The following REELD1 variants were observed in gnomAD, a reference collection of about 807,000 sequenced individuals.
REELD1 encodes the protein reelin domain-containing protein 1.
REELD1 carries 12 observed loss-of-function variants against 6.3 expected under a neutral mutation model. That is an observed-to-expected ratio of 1.89 (90% CI 1.21 to 3.07). The LOEUF is 3.07. Among genes scored for constraint, REELD1 ranks in the 30% most tolerant of loss-of-function variants. The probability of loss-of-function intolerance (pLI) is 0.00; values close to 1 mark genes in which losing one functional copy is unlikely to be tolerated. For synonymous variants in REELD1, 57 were observed against 33.6 expected (o/e 1.70, Z -2.42); for missense variants, 163 against 86.8 (o/e 1.88, Z -3.49).
At chr4:146,218,244 C>A (rs1215829303) in intron 3 of REELD1, among the ~76,000 whole-genome samples, 1 of 152,210 alleles carries the variant, frequency 6.6e-6, no homozygotes, top group African/African-American at 2.4e-5. Flanking sequence ...TCGGGTTGCC[C>A]CCACCAGGGG....
intron 3 of REELD1, among the ~76,000 whole-genome samples, chr4:146,220,620 G>A (rs1170706900): frequency 6.6e-6 from 1 of 152,190 alleles, no homozygotes; most frequent in Admixed American, 6.5e-5. Context: ...CACAGTTTCA[G>A]GATGAGTGCC....
Position 146,231,713 on chromosome 4 carries a change from T to G in REELD1, c.*1200T>G, listed in dbSNP as rs945689338. On this transcript the variant is annotated 3_prime_UTR_variant, in exon 8 of 8. Transcript: ENST00000623665. ...CTTCACATTTAACTCTCACAAAAAT[T>G]TAATGAGGAATAAGTTCAGTAGCTT... is the stretch of plus-strand genomic sequence containing the variant. Among the ~76,000 whole-genome samples the G allele has an allele frequency of 1.3e-5, 2 of 152,190 alleles. No homozygotes were observed. The highest frequency in any genetic ancestry group is 2.9e-5 in the Non-Finnish European group (2 of 68,038).
intron 6 of REELD1, 100 bp from the exon 7 acceptor site, chr4:146,228,925 T>C: frequency 1.5e-6 from 1 of 677,572 alleles, no homozygotes; most frequent in East Asian, 2.7e-5. Flanking sequence ...GTTTTTCAAG[T>C]GAATCTGTTG....
chr4:146,222,202 T>C (rs1411534335), intron 3 of REELD1, among the ~76,000 whole-genome samples, 155 bp from the exon 4 acceptor site: 2 of 152,218 alleles, frequency 1.3e-5, no homozygotes, highest in Admixed American at 6.5e-5. Flanking sequence ...GAATTTATTT[T>C]GGTGTGAAAT....
rs1730985179 is a variant in REELD1, at chr4:146,224,508, A to G, written c.495A>G (p.Gln165=). The G allele has an allele frequency of 1.4e-6, 1 of 700,028 alleles. No individual in the cohort carries two copies. Among genetic ancestry groups the G allele is most frequent in the Non-Finnish European group, 2.6e-6 (1 of 383,830 alleles). 43.4% of individuals were successfully genotyped at this position (700,028 alleles called of 1,614,324 possible). A position where few individuals can be genotyped will look rare whatever the true frequency, so the allele number is the denominator to read the frequency against. ...WARIESSVVS[Q]QTHSSAHSDD... is the part of the protein sequence containing the mutation. ...GGATTGAATCATCTGTTGTGTCTCA[A>G]CAGACACATAGCAGCGCCCATTCTG... is the stretch of plus-strand genomic sequence containing the variant. Residue 165 remains glutamine (Q), a synonymous_variant, in exon 5 of 8, where the codon CAA becomes CAG. Transcript: ENST00000623665.
In REELD1 at chr4:146,224,618, G is replaced by A. The variant is rs1185238523; in HGVS notation, c.595+10G>A. 1 of 701,758 alleles carries A rather than the reference G, an allele frequency of 1.4e-6. No individual in the cohort carries two copies. Among genetic ancestry groups the A allele is most frequent in the African/African-American group, 1.7e-5 (1 of 57,370 alleles). 43.5% of individuals were successfully genotyped at this position (701,758 alleles called of 1,614,324 possible). On this transcript the variant is annotated intron_variant, in intron 5 of 7. Transcript: ENST00000623665. ...GAAGGAGCTGCTCCAGGTACAGCTT[G>A]TCATTGTATTTGCCAGGCTGGTTGT...
At chr4:146,223,534 T>TA (rs1378603328) in intron 4 of REELD1, among the ~76,000 whole-genome samples, 2 of 152,236 alleles carry the variant, frequency 1.3e-5, no homozygotes, top group Non-Finnish European at 2.9e-5. Flanking sequence ...TTGAAGTCCT[T>TA]AAACCTGTAC....
chr4:146,225,466 T>C (rs1242603945), intron 5 of REELD1, among the ~76,000 whole-genome samples: 1 of 152,126 alleles, frequency 6.6e-6, no homozygotes, highest in African/African-American at 2.4e-5. Flanking sequence ...CAGACCCAGG[T>C]ACAGAGACAG....
intron 4 of REELD1, among the ~76,000 whole-genome samples, chr4:146,223,917 C>A (rs1051494467): frequency 3.3e-5 from 5 of 152,204 alleles, no homozygotes; most frequent in African/African-American, 7.2e-5. Flanking sequence ...TTTGGAAGAA[C>A]AAATGGCATA....
rs1223113626 is a variant in REELD1 at position 146,228,452 on chromosome 4, C to A, written c.838C>A (p.Leu280Met). The change falls in exon 6 of 8, where the codon CTG becomes ATG. Residue 280 changes from leucine to methionine, a missense_variant. Leu to Met is a conservative substitution (Grantham distance 15, BLOSUM62 2). Transcript: ENST00000623665. ...AGAGCCGTCCCTGGAGGTCCACAGG[C>A]TGGAGAGGCTCGTGGCCCTCAAGAG... ...TLEPSLEVHRLERLVALKRVS... is the reference protein window; with the variant it reads ...TLEPSLEVHRMERLVALKRVS... The A allele has an allele frequency of 2.8e-6, 2 of 702,436 alleles. No individual in the cohort carries two copies. Among genetic ancestry groups the A allele is most frequent in the African/African-American group, 3.5e-5 (2 of 57,252 alleles). The allele number at this position is 702,436 out of a possible 1,614,324, so 43.5% of individuals were successfully genotyped here. A position where few individuals can be genotyped will look rare whatever the true frequency, so the allele number is the denominator to read the frequency against.
At position 146,231,427 on chromosome 4, in the gene REELD1, A is replaced by G. The variant is rs1245760958; in HGVS notation, c.*914A>G. ...TTCATGGATGAAGGTCATCTACCTG[A>G]TCTCATAACCTTATGAAGATTGCTT... On this transcript the variant is annotated 3_prime_UTR_variant, in exon 8 of 8. Transcript: ENST00000623665. 6.6e-6 allele frequency among the ~76,000 whole-genome samples: 1 copy of G among 152,208 alleles called. No homozygotes were observed. Among genetic ancestry groups the G allele is most frequent in the African/African-American group, 2.4e-5 (1 of 41,462 alleles).
chr4:146,228,348 C>T lies in REELD1; in HGVS notation c.734C>T (p.Thr245Ile), dbSNP rs1224784733. Residue 245 changes from threonine (T) to isoleucine (I), a missense_variant, in exon 6 of 8, where the codon ACT becomes ATT. Physicochemically the swap from Thr to Ile is moderately conservative, Grantham distance 89. Transcript: ENST00000623665. The part of the protein sequence containing the change: ...WVTKFPGDAE[T>I]LSQPSSHTAT... ...ACAAAGTTTCCTGGGGATGCAGAGACTCTGTCCCAACCATCTTCACACACA... is the reference window on the plus strand; with the variant it reads ...ACAAAGTTTCCTGGGGATGCAGAGATTCTGTCCCAACCATCTTCACACACA... The T allele has an allele frequency of 1.4e-6, 1 of 702,570 alleles. No individual in the cohort carries two copies. Among genetic ancestry groups the T allele is most frequent in the African/African-American group, 1.7e-5 (1 of 57,372 alleles). 43.5% of individuals were successfully genotyped at this position (702,570 alleles called of 1,614,324 possible). A position where few individuals can be genotyped will look rare whatever the true frequency, so the allele number is the denominator to read the frequency against.
At chr4:146,220,989 A>G (rs995029875) in intron 3 of REELD1, among the ~76,000 whole-genome samples, 1 of 152,192 alleles carries the variant, frequency 6.6e-6, no homozygotes, top group Non-Finnish European at 1.5e-5. Context: ...CAGTGGGGAA[A>G]ATTCCTAGAT....
At position 146,214,541 on chromosome 4, in the gene REELD1, TC is replaced by T. The variant is rs1730791510; in HGVS notation, c.-286del. On this transcript the variant is annotated 5_prime_UTR_variant, in exon 1 of 8. Transcript: ENST00000623665. ...TTGGATTTGGACACTGAGGAACAGTTCCTGGAGATGCTGAGGATTAGTGGTA... is the reference window on the plus strand; with the variant it reads ...TTGGATTTGGACACTGAGGAACAGTTCTGGAGATGCTGAGGATTAGTGGTA... 6.6e-6 allele frequency: 1 copy of T among 152,142 alleles called. No individual in the cohort carries two copies. 9.4% of individuals were successfully genotyped at this position (152,142 alleles called of 1,614,324 possible).
At chr4:146,218,452 C>G (rs575376755) in intron 3 of REELD1, among the ~76,000 whole-genome samples, 4 of 152,280 alleles carry the variant, frequency 2.6e-5, no homozygotes, top group African/African-American at 9.6e-5. Flanking sequence ...AACTTTTGCC[C>G]TAAACCCCTC....
chr4:146,217,507 G>C (rs1019249750), intron 3 of REELD1, among the ~76,000 whole-genome samples: 2 of 152,102 alleles, frequency 1.3e-5, no homozygotes, highest in African/African-American at 4.8e-5. Context: ...GCCTCCAAAA[G>C]TGCTGGGATT....
At chr4:146,221,716 G>A (rs1191810349) in intron 3 of REELD1, among the ~76,000 whole-genome samples, 2 of 152,016 alleles carry the variant, frequency 1.3e-5, no homozygotes, top group African/African-American at 2.4e-5. Flanking sequence ...AAAATTAGCT[G>A]GGCGTGGTGG....
intron 4 of REELD1, 145 bp from the exon 5 acceptor site, chr4:146,224,300 T>A (rs1182311490): frequency 1.2e-5 from 5 of 423,714 alleles, no homozygotes; most frequent in African/African-American, 1.0e-4. Flanking sequence ...AGTAATAATA[T>A]AATCTCTCTC....
intron 3 of REELD1, among the ~76,000 whole-genome samples, chr4:146,218,359 A>G (rs1374454382): frequency 6.6e-6 from 1 of 152,182 alleles, no homozygotes; most frequent in Non-Finnish European, 1.5e-5. Flanking sequence ...GAGGGACAGC[A>G]GAGAAGGAAG....
Sources: gnomAD v4.1 joint callset for allele counts (sites outside exome capture counted in the v4.1 genomes callset) on GRCh38, gnomAD v4.1.1 for gene constraint, MANE v1.5 for transcripts, NCBI Gene and HGNC (gene_info 2026-07-23, HGNC 2026-07-21) for gene names.